Variants in UBR4 observed in about 807,000 individuals in gnomAD.
UBR4 encodes the protein ubiquitin protein ligase E3 component n-recognin 4, also known as E3 ubiquitin-protein ligase UBR4.
UBR4 carries 124 observed loss-of-function variants against 575.6 expected under a neutral mutation model. The observed-to-expected ratio is 0.22, with a 90% CI of 0.19 to 0.25. The LOEUF (loss-of-function observed/expected upper bound fraction) is 0.25. Among genes scored for constraint, UBR4 ranks in the 10% least tolerant of loss-of-function variants. UBR4 has a pLI of 1.00. For missense variants in UBR4, 4,818 were observed against 6,478.8 expected, an observed-to-expected ratio of 0.74 and a Z score of 8.80; for synonymous variants, 2,455 against 2,473.7, an observed-to-expected ratio of 0.99 and a Z score of 0.22.
chr1:19,194,124 C>T (rs952760127), intron 8 of UBR4, among the ~76,000 whole-genome samples: 1 of 152,164 alleles, frequency 6.6e-6, no homozygotes, highest in Non-Finnish European at 1.5e-5. Context: ...ACACATGACA[C>T]TATACATTTG....
rs1293940744 is a variant in UBR4 at position 19,179,065 on chromosome 1, A to C, written c.2340T>G (p.Leu780=). 1 of 1,613,214 alleles carries C rather than the reference A, an allele frequency of 6.2e-7. No individual in the cohort carries two copies. The highest frequency in any genetic ancestry group is 1.7e-5 in the Admixed American group (1 of 59,634). The change falls in exon 18 of 106, where the codon CTT becomes CTG. Residue 780 remains leucine, a synonymous_variant. Transcript: ENST00000375254. The stretch of plus-strand genomic sequence containing the variant: ...AGACATCTTACCTGTCCCAAACTTT[A>C]AGGCATTCTGGGACGTCAGGGTCAC... ...AQGDPDVPEC[L]KVWDRFLSTM...
Position 19,179,074 on chromosome 1 carries a change from T to C in UBR4, c.2331A>G (p.Pro777=), listed in dbSNP as rs776508362. ...KASAQGDPDV[P]ECLKVWDRFL... is the part of the protein sequence containing the mutation. ...ACCTGTCCCAAACTTTAAGGCATTCTGGGACGTCAGGGTCACCTTGAGCAC... is the reference window on the plus strand; with the variant it reads ...ACCTGTCCCAAACTTTAAGGCATTCCGGGACGTCAGGGTCACCTTGAGCAC... Residue 777 remains proline, a synonymous_variant, in exon 18 of 106, where the codon CCA becomes CCG. Coordinates refer to ENST00000375254, the MANE Select transcript of UBR4 (RefSeq NM_020765.3). The C allele has an allele frequency of 1.2e-6, 2 of 1,613,590 alleles. No homozygotes were observed. Among genetic ancestry groups the C allele is most frequent in the Admixed American group, 3.3e-5 (2 of 59,784 alleles).
chr1:19,207,118 T>C (rs1300108838), intron 1 of UBR4, among the ~76,000 whole-genome samples: 1 of 152,062 alleles, frequency 6.6e-6, no homozygotes, highest in African/African-American at 2.4e-5. Context: ...AAGAAAAACA[T>C]GGCAGGTTTA....
At position 19,096,640 on chromosome 1, in the gene UBR4, T is replaced by A. The variant is rs1434557355; in HGVS notation, c.13401A>T (p.Glu4467Asp). The A allele has an allele frequency of 6.2e-7, 1 of 1,613,534 alleles. No individual in the cohort carries two copies. Among genetic ancestry groups the A allele is most frequent in the Non-Finnish European group, 8.5e-7 (1 of 1,179,780 alleles). ...ESLDSTTDEE[E>D]DEEEVYKMAG... Reference sequence around the variant, plus strand: ...CCATTTTATACACTTCTTCTTCATCTTCTTCTTCATCTAGGGGAGAAGGGA... The same window carrying A: ...CCATTTTATACACTTCTTCTTCATCATCTTCTTCATCTAGGGGAGAAGGGA... Residue 4467 changes from glutamate (E) to aspartate (D), a missense_variant, in exon 92 of 106, where the codon GAA (glutamate) becomes GAT (aspartate). This residue lies in a region of UBR4 where 165 missense variants were observed against 282.3 expected (regional missense o/e 0.58). Transcript: ENST00000375254.
Position 19,193,566 on chromosome 1 carries a change from G to C in UBR4, c.1019-9C>G. The C allele has an allele frequency of 5.0e-6, 8 of 1,612,188 alleles. No homozygotes were observed. Among genetic ancestry groups the C allele is most frequent in the Non-Finnish European group, 6.8e-6 (8 of 1,178,924 alleles). On this transcript the variant is annotated splice_polypyrimidine_tract_variant and intron_variant, in intron 8 of 105. Coordinates refer to ENST00000375254, the MANE Select transcript of UBR4 (RefSeq NM_020765.3). ...CGTTGCCACACTCACACCTGAAAAA[G>C]AAGATGCACAGGTCTCAGCCATGGA...
At chr1:19,144,637 A>C in intron 54 of UBR4, 149 bp downstream of exon 54, 1 of 1,130,570 alleles carries the variant, frequency 8.8e-7, no homozygotes, top group Non-Finnish European at 1.2e-6. Context: ...TCCATGGAGT[A>C]AGATCTTAAA....
intron 43 of UBR4, 93 bp downstream of exon 43, chr1:19,155,348 G>GA (rs2086299345): frequency 7.4e-7 from 1 of 1,345,488 alleles, no homozygotes; most frequent in Non-Finnish European, 1.0e-6. Context: ...GAAGTCCACA[G>GA]AAAAATGTTA....
rs1176780647 is a variant in UBR4 at position 19,143,236 on chromosome 1, C to CAGGAAGGA, written c.8179+736_8179+743dup. Among the ~76,000 whole-genome samples, 338 of 82,988 alleles carry CAGGAAGGA rather than the reference C, an allele frequency of 4.1e-3. 6 individuals carry two copies. Among genetic ancestry groups the CAGGAAGGA allele is most frequent in the Middle Eastern group, 0.011 (2 of 176 alleles). 54.4% of individuals were successfully genotyped at this position (82,988 alleles called of 152,430 possible). On this transcript the variant is annotated intron_variant, in intron 55 of 105. Coordinates refer to ENST00000375254, the MANE Select transcript of UBR4 (RefSeq NM_020765.3). ...AAAGAAAGGAAGGAAGGAAGGAAGG[C>CAGGAAGGA]AGGAAGGAAGGAAGGAAGGAAGGAA... is the stretch of plus-strand genomic sequence containing the variant.
intron 101 of UBR4, among the ~76,000 whole-genome samples, chr1:19,085,824 A>G (rs181281333): frequency 1.3e-5 from 2 of 152,358 alleles, no homozygotes; most frequent in African/African-American, 4.8e-5. Flanking sequence ...TCTGGCCTCA[A>G]GGACCAAGTT....
In UBR4 at chr1:19,117,155, C is replaced by T. The variant is rs1416114329; in HGVS notation, c.10823+66G>A. On this transcript the variant is annotated intron_variant, in intron 73 of 105. Transcript: ENST00000375254. The surrounding 1 kb of genome is among the most constrained non-coding windows in gnomAD (Gnocchi z 4.0). ...TGCTGCCTTACTCCATTCCAGGAACCGAAGGCAGCAACTGAGCTTCAGCCT... is the reference window on the plus strand; with the variant it reads ...TGCTGCCTTACTCCATTCCAGGAACTGAAGGCAGCAACTGAGCTTCAGCCT... 42 of 1,561,124 alleles carry T rather than the reference C, an allele frequency of 2.7e-5. No individual in the cohort carries two copies. Among genetic ancestry groups the T allele is most frequent in the Non-Finnish European group, 3.5e-5 (40 of 1,144,626 alleles).
intron 51 of UBR4, among the ~76,000 whole-genome samples, chr1:19,147,674 C>T (rs945357785): frequency 6.6e-6 from 1 of 152,206 alleles, no homozygotes; most frequent in African/African-American, 2.4e-5. Context: ...AGTCTATTTC[C>T]TGAGGGACTC....
In UBR4 at chr1:19,141,470, G is replaced by A. The variant is rs373360176; in HGVS notation, c.8365C>T (p.Pro2789Ser). ...AENVNNGNPSPLEALLAGAEG... is the reference protein window; with the variant it reads ...AENVNNGNPSSLEALLAGAEG... The stretch of plus-strand genomic sequence containing the variant: ...GCGCCTGCCAGCAGGGCCTCCAGGG[G>A]AGAGGGGTTGCCATTGTTGACATTT... The change falls in exon 57 of 106, where the codon CCC (proline) becomes TCC (serine). Residue 2789 changes from proline to serine, a missense_variant. Coordinates refer to ENST00000375254, the MANE Select transcript of UBR4 (RefSeq NM_020765.3). 8.7e-6 allele frequency: 14 copies of A among 1,613,882 alleles called. No individual in the cohort carries two copies. Among genetic ancestry groups the A allele is most frequent in the East Asian group, 2.2e-5 (1 of 44,886 alleles).
At chr1:19,190,379 G>A (rs2091977710) in intron 11 of UBR4, among the ~76,000 whole-genome samples, 1 of 142,640 alleles carries the variant, frequency 7.0e-6, no homozygotes, top group South Asian at 2.3e-4. Flanking sequence ...CCATTTTTAT[G>A]TTCATCACAG....
intron 87 of UBR4, among the ~76,000 whole-genome samples, chr1:19,103,394 G>A (rs924724243): frequency 4.6e-5 from 7 of 152,006 alleles, no homozygotes; most frequent in Non-Finnish European, 7.4e-5. Flanking sequence ...GAGAAATCCC[G>A]TCTCTACTAA....
Position 19,093,856 on chromosome 1 carries a change from T to C in UBR4, c.13937+93A>G, listed in dbSNP as rs2077765947. 3 of 1,390,198 alleles carry C rather than the reference T, an allele frequency of 2.2e-6. No homozygotes were observed. Among genetic ancestry groups the C allele is most frequent in the Admixed American group, 2.4e-5 (1 of 41,634 alleles). The allele number at this position is 1,390,198 out of a possible 1,614,324, so 86.1% of individuals were successfully genotyped here. A position where few individuals can be genotyped will look rare whatever the true frequency, so the allele number is the denominator to read the frequency against. On this transcript the variant is annotated intron_variant, in intron 95 of 105. Transcript: ENST00000375254. This position sits in a 1 kb window ranked among gnomAD's most constrained non-coding sequence, Gnocchi z 4.8. ...CCAGAACGAGGACACAAAAATCTAA[T>C]AGGTATTCAGAGGATTCTTCCTCAT...
Position 19,152,003 on chromosome 1 carries a change from TA to T in UBR4, c.6997-145del, listed in dbSNP as rs1195029138. On this transcript the variant is annotated intron_variant, in intron 47 of 105. Coordinates refer to ENST00000375254, the MANE Select transcript of UBR4 (RefSeq NM_020765.3). The surrounding 1 kb of genome is among the most constrained non-coding windows in gnomAD (Gnocchi z 4.4). ...TCCCTGGTAATGACTTCCTTGTTTC[TA>T]AAAATGGGAAAATAGGAAAAGAGAG... The T allele has an allele frequency of 3.4e-6, 3 of 879,212 alleles. No individual in the cohort carries two copies. The highest frequency in any genetic ancestry group is 5.0e-6 in the Non-Finnish European group (3 of 594,080). 54.5% of individuals were successfully genotyped at this position (879,212 alleles called of 1,614,324 possible).
chr1:19,120,104 G>A (rs868593460), intron 69 of UBR4, 76 bp downstream of exon 69: 65 of 1,540,876 alleles, frequency 4.2e-5, no homozygotes, highest in East Asian at 1.1e-4. Flanking sequence ...ATATGTAACC[G>A]AAAACAAAAT....
chr1:19,205,911 G>C (rs1028026501), intron 1 of UBR4, among the ~76,000 whole-genome samples: 5 of 152,134 alleles, frequency 3.3e-5, no homozygotes, highest in Non-Finnish European at 2.9e-5. Flanking sequence ...CAGAGAGAAG[G>C]AGCATATTTC....
intron 29 of UBR4, 110 bp from the exon 30 acceptor site, chr1:19,165,867 G>T: frequency 2.2e-6 from 2 of 909,844 alleles, no homozygotes; most frequent in African/African-American, 1.7e-5. Context: ...TGAGGGCAAT[G>T]TCTAATTTTG....
Sources: gnomAD v4.1 joint callset for allele counts (sites outside exome capture counted in the v4.1 genomes callset) on GRCh38, gnomAD v4.1.1 for gene constraint, gnomAD v4.1.1 regional missense constraint, Gnocchi (gnomAD v3.1) non-coding constraint, MANE v1.5 for transcripts, NCBI Gene and HGNC (gene_info 2026-07-23, HGNC 2026-07-21) for gene names.